ITGA11: variants seen among roughly 807,000 people sequenced by gnomAD.
ITGA11 encodes the protein integrin subunit alpha 11.
In ITGA11, 97 loss-of-function variants were observed where a neutral mutation model predicts 141.9. The observed-to-expected ratio is 0.68, with a 90% CI of 0.58 to 0.81. ITGA11 has a LOEUF of 0.81. ITGA11 is among the 30% of genes least tolerant of loss of function. The pLI is 0.00. For synonymous variants in ITGA11, 658 were observed against 624.6 expected (o/e 1.05, Z -0.80); for missense variants, 1,387 against 1,559.2 (o/e 0.89, Z 1.86).
chr15:68,338,198 G>T (rs1360929727), intron 11 of ITGA11, among the ~76,000 whole-genome samples: 3 of 152,244 alleles, frequency 2.0e-5, no homozygotes, highest in Non-Finnish European at 4.4e-5. Flanking sequence ...CTAGTTTCTA[G>T]TTAAAGGGTT....
At chr15:68,401,717 C>T (rs1168537956) in intron 2 of ITGA11, among the ~76,000 whole-genome samples, 1 of 152,048 alleles carries the variant, frequency 6.6e-6, no homozygotes, top group Non-Finnish European at 1.5e-5. Flanking sequence ...GGTGAGTGGG[C>T]ACCACCTTCT....
chr15:68,336,278 G>C (rs971773123), intron 11 of ITGA11, among the ~76,000 whole-genome samples: 2 of 152,158 alleles, frequency 1.3e-5, no homozygotes, highest in African/African-American at 2.4e-5. Flanking sequence ...ACTAACCAGG[G>C]TTCTCTTTAT....
chr15:68,364,650 C>G, intron 4 of ITGA11, 57 bp downstream of exon 4: 1 of 1,000,662 alleles, frequency 1.0e-6, no homozygotes, highest in Non-Finnish European at 1.6e-6. Context: ...ACGCTCCACC[C>G]CTCCCCACCC....
In ITGA11 at chr15:68,324,988, G is replaced by T; in HGVS notation, c.2322+143C>A. ...AGAGGCAGGAAGGAGCCACACTGTG[G>T]GTTTGCCAGGACAGGAGGTGGGAAG... is the stretch of plus-strand genomic sequence containing the variant. On this transcript the variant is annotated intron_variant, in intron 18 of 29. Transcript: ENST00000315757. This position sits in a 1 kb window ranked among gnomAD's most constrained non-coding sequence, Gnocchi z 6.3. 1.5e-6 allele frequency: 1 copy of T among 672,598 alleles called. No homozygotes were observed. The highest frequency in any genetic ancestry group is 2.7e-6 in the Non-Finnish European group (1 of 370,770). The allele number at this position is 672,598 out of a possible 1,614,324, so 41.7% of individuals were successfully genotyped here.
chr15:68,320,714 G>T (rs1259216595), intron 19 of ITGA11, among the ~76,000 whole-genome samples: 2 of 152,178 alleles, frequency 1.3e-5, no homozygotes, highest in South Asian at 4.1e-4. Flanking sequence ...TGGCTGCTAG[G>T]AAGCTCAGCA....
At chr15:68,419,246 A>G (rs1261591867) in intron 1 of ITGA11, among the ~76,000 whole-genome samples, 1 of 152,122 alleles carries the variant, frequency 6.6e-6, no homozygotes, top group Non-Finnish European at 1.5e-5. Flanking sequence ...AGTACAGGCC[A>G]ATTTTTCATG....
intron 20 of ITGA11, among the ~76,000 whole-genome samples, chr15:68,319,249 G>A (rs4454914): frequency 0.021 from 3,128 of 152,332 alleles, 122 homozygotes; most frequent in African/African-American, 0.07. Flanking sequence ...CCCTCCCTAT[G>A]CCTCAGTTTC....
chr15:68,351,693 T>C (rs1291132751), intron 7 of ITGA11, among the ~76,000 whole-genome samples: 1 of 152,028 alleles, frequency 6.6e-6, no homozygotes, highest in African/African-American at 2.4e-5. Flanking sequence ...GAGGTGGACC[T>C]GGGAGGGGAG....
At chr15:68,341,294 C>G (rs1196118916) in intron 10 of ITGA11, among the ~76,000 whole-genome samples, 1 of 152,234 alleles carries the variant, frequency 6.6e-6, no homozygotes, top group Non-Finnish European at 1.5e-5. Context: ...GAGCCAGGAA[C>G]TCATATATTC....
chr15:68,409,731 A>G (rs1447110353), intron 1 of ITGA11, among the ~76,000 whole-genome samples: 1 of 152,132 alleles, frequency 6.6e-6, no homozygotes, highest in Non-Finnish European at 1.5e-5. Context: ...ACTATTCTGA[A>G]TGTATTTAAT....
Position 68,328,042 on chromosome 15 carries a change from G to A in ITGA11, c.2068+54C>T, listed in dbSNP as rs1423119210. The stretch of plus-strand genomic sequence containing the variant: ...AGCCCAGGCTTTGAAATAGAGCAAG[G>A]TGCAGGGGGAGACTGGAGTCTGGGG... On this transcript the variant is annotated intron_variant, in intron 16 of 29. Coordinates refer to ENST00000315757, the MANE Select transcript of ITGA11 (RefSeq NM_001004439.2). The surrounding 1 kb of genome is among the most constrained non-coding windows in gnomAD (Gnocchi z 4.8). The A allele has an allele frequency of 6.5e-7, 1 of 1,541,792 alleles. No homozygotes were observed. The highest frequency in any genetic ancestry group is 1.4e-5 in the African/African-American group (1 of 73,944).
intron 2 of ITGA11, among the ~76,000 whole-genome samples, chr15:68,384,262 A>AT (rs1895929832): frequency 1.5e-5 from 1 of 65,338 alleles, no homozygotes; most frequent in Non-Finnish European, 3.1e-5. Flanking sequence ...GTGGTTTGGC[A>AT]TTAAAAAAAA....
chr15:68,314,264 G>A (rs1893494337), intron 22 of ITGA11, among the ~76,000 whole-genome samples: 1 of 152,204 alleles, frequency 6.6e-6, no homozygotes, highest in Non-Finnish European at 1.5e-5. Flanking sequence ...TGCCCACGGA[G>A]GAGGGATGGT....
chr15:68,382,810 A>C (rs974846045), intron 2 of ITGA11, among the ~76,000 whole-genome samples: 2 of 152,250 alleles, frequency 1.3e-5, no homozygotes, highest in African/African-American at 4.8e-5. Context: ...TAAACCAGGA[A>C]GAAAAGATTC....
chr15:68,297,995 C>G lies in ITGA11; in HGVS notation c.*5064G>C, dbSNP rs778098577. 1 of 152,226 alleles carries G rather than the reference C, an allele frequency of 6.6e-6. No homozygotes were observed. The highest frequency in any genetic ancestry group is 2.4e-5 in the African/African-American group (1 of 41,454). The allele number at this position is 152,226 out of a possible 1,614,324, so 9.4% of individuals were successfully genotyped here. ...GTGAGATGCCAGTACTAGGGAAGCT[C>G]ACCTTCAGATCTCTGCTAGGTCACT... On this transcript the variant is annotated 3_prime_UTR_variant, in exon 30 of 30. Transcript: ENST00000315757.
At chr15:68,315,545 G>T in intron 22 of ITGA11, 106 bp downstream of exon 22, 1 of 960,312 alleles carries the variant, frequency 1.0e-6, no homozygotes, top group Non-Finnish European at 1.6e-6. Context: ...TGGGGGACAG[G>T]GCGTGGGGCA....
At chr15:68,358,423 T>C (rs1895135511) in intron 6 of ITGA11, 35 bp downstream of exon 6, 1 of 1,575,566 alleles carries the variant, frequency 6.3e-7, no homozygotes, top group Non-Finnish European at 8.6e-7. Flanking sequence ...TGGGTGGCCC[T>C]GTTCAGAAGT....
chr15:68,385,415 G>A (rs1895961969), intron 2 of ITGA11, among the ~76,000 whole-genome samples: 1 of 152,218 alleles, frequency 6.6e-6, no homozygotes, highest in Admixed American at 6.5e-5. Flanking sequence ...AACACTCTTG[G>A]GCCTAGGCTC....
chr15:68,419,792 A>G (rs1026192681), intron 1 of ITGA11, among the ~76,000 whole-genome samples: 1 of 152,126 alleles, frequency 6.6e-6, no homozygotes, highest in Non-Finnish European at 1.5e-5. Context: ...AAGACACTTG[A>G]CCTCTCAGAA....
Sources: gnomAD v4.1 joint callset for allele counts (sites outside exome capture counted in the v4.1 genomes callset) on GRCh38, gnomAD v4.1.1 for gene constraint, Gnocchi (gnomAD v3.1) non-coding constraint, MANE v1.5 for transcripts, NCBI Gene and HGNC (gene_info 2026-07-23, HGNC 2026-07-21) for gene names.